KDM5B: variants seen among roughly 807,000 people sequenced by gnomAD.
KDM5B encodes the protein lysine demethylase 5B, also known as lysine-specific demethylase 5B.
Under a neutral mutation model 193.4 loss-of-function variants are expected in KDM5B, and 144 were observed. The observed-to-expected ratio is 0.74, with a 90% confidence interval of 0.65 to 0.86. The LOEUF (loss-of-function observed/expected upper bound fraction) is 0.86, where lower values mean the gene tolerates loss of function less well. Ranked by LOEUF, KDM5B falls within the 40% of genes least tolerant of loss-of-function variation. The pLI, the probability that KDM5B is intolerant of heterozygous loss-of-function variation, is 0.00. For missense variants in KDM5B, 1,833 were observed against 1,886.9 expected, an observed-to-expected ratio of 0.97 and a Z score of 0.53; for synonymous variants, 668 against 682.6, an observed-to-expected ratio of 0.98 and a Z score of 0.33.
chr1:202,764,659 AC>A (rs1369917735), intron 5 of KDM5B, among the ~76,000 whole-genome samples: 3 of 152,036 alleles, frequency 2.0e-5, no homozygotes, highest in African/African-American at 7.2e-5. Flanking sequence ...AAACAAAAAA[AC>A]AAATAGGGAA....
intron 11 of KDM5B, among the ~76,000 whole-genome samples, chr1:202,754,356 A>C (rs992036381): frequency 1.3e-4 from 20 of 152,188 alleles, no homozygotes; most frequent in African/African-American, 4.1e-4. Context: ...AAATATTTTT[A>C]TATTTAGAAG....
rs529707777 is a variant in KDM5B, at chr1:202,796,752, G to C, written c.204+11350C>G. ...GTGAAGAGCTGGCTGAATGGGCTCA[G>C]GCCAAAGGAACTCCATGGTCCCATG... is the stretch of plus-strand genomic sequence containing the variant. On this transcript the variant is annotated intron_variant, in intron 1 of 26. Coordinates refer to ENST00000367265, the MANE Select transcript of KDM5B (RefSeq NM_006618.5). 25 of 176,846 alleles carry C rather than the reference G, an allele frequency of 1.4e-4. 1 individual carries two copies. The South Asian group carries it at 3.3e-3, about 24-fold the overall frequency. 11.0% of individuals were successfully genotyped at this position (176,846 alleles called of 1,614,324 possible).
intron 1 of KDM5B, among the ~76,000 whole-genome samples, chr1:202,781,998 GAATA>G (rs891849189): frequency 1.8e-4 from 16 of 87,904 alleles, no homozygotes; most frequent in African/African-American, 4.3e-4. Flanking sequence ...TTCTATGTAT[GAATA>G]TATACACAAT....
At chr1:202,746,423 A>G in intron 14 of KDM5B, 100 bp from the exon 15 acceptor site, 2 of 719,198 alleles carry the variant, frequency 2.8e-6, no homozygotes, top group Non-Finnish European at 4.2e-6. Context: ...AAAAAAAAAA[A>G]GCTTTACCAA....
rs750018618 is a variant in KDM5B, at chr1:202,733,548, A to G, written c.3762T>C (p.Tyr1254=). ...GCCAGTTCACGGTTCTTTCAATCATATATCGAAGTGCATCTCCCTCAGGAA... is the reference window on the plus strand; with the variant it reads ...GCCAGTTCACGGTTCTTTCAATCATGTATCGAAGTGCATCTCCCTCAGGAA... ...VRLPEGDALR[Y]MIERTVNWQH... is the part of the protein sequence containing the mutation. Residue 1254 remains tyrosine (Y), a synonymous_variant, in exon 23 of 27, where the codon TAT becomes TAC. Coordinates refer to ENST00000367265, the MANE Select transcript of KDM5B (RefSeq NM_006618.5). 2.0e-5 allele frequency: 32 copies of G among 1,614,040 alleles called. No individual in the cohort carries two copies. The Admixed American group carries it at 2.0e-4, about 10-fold the overall frequency.
intron 23 of KDM5B, among the ~76,000 whole-genome samples, chr1:202,733,144 T>G (rs1335187029): frequency 6.6e-6 from 1 of 152,136 alleles, no homozygotes; most frequent in Non-Finnish European, 1.5e-5. Context: ...AATGAAAAAA[T>G]TATTTGTATC....
chr1:202,782,197 G>A (rs1657225941), intron 1 of KDM5B, among the ~76,000 whole-genome samples: 1 of 152,080 alleles, frequency 6.6e-6, no homozygotes, highest in Admixed American at 6.6e-5. Flanking sequence ...ATCTCTTCTG[G>A]TTATAAAGAA....
rs375916696 is a variant in KDM5B at position 202,756,526 on chromosome 1, C to A, written c.1198-10G>T. On this transcript the variant is annotated splice_polypyrimidine_tract_variant and intron_variant, in intron 9 of 26. Coordinates refer to ENST00000367265, the MANE Select transcript of KDM5B (RefSeq NM_006618.5). ...GCTCTGTGGGGACCATCTGGAAATA[C>A]AAGGAATAGAAAAAATGAGTTTCCT... is the stretch of plus-strand genomic sequence containing the variant. The A allele has an allele frequency of 1.2e-5, 18 of 1,562,666 alleles. No individual in the cohort carries two copies. In the Admixed American group the frequency reaches 1.8e-4, roughly 15 times the overall value.
At chr1:202,786,073 C>T (rs1364071528) in intron 1 of KDM5B, among the ~76,000 whole-genome samples, 2 of 151,410 alleles carry the variant, frequency 1.3e-5, no homozygotes, top group Admixed American at 6.6e-5. Flanking sequence ...AAACTTGGCT[C>T]GTTATAGCCT....
At chr1:202,732,620 GT>G (rs66482938) in intron 23 of KDM5B, among the ~76,000 whole-genome samples, 98 of 148,040 alleles carry the variant, frequency 6.6e-4, no homozygotes, top group African/African-American at 1.9e-3. Context: ...ATGACAGACT[GT>G]TTTTTTTTTT....
intron 1 of KDM5B, among the ~76,000 whole-genome samples, chr1:202,799,136 C>A (rs761657385): frequency 4.1e-4 from 63 of 152,206 alleles, no homozygotes; most frequent in Middle Eastern, 3.2e-3. Context: ...GCAAATAAAG[C>A]TTTGGGATTT....
intron 2 of KDM5B, among the ~76,000 whole-genome samples, chr1:202,775,872 A>AT (rs1453890235): frequency 2.4e-5 from 3 of 127,522 alleles, no homozygotes; most frequent in African/African-American, 8.6e-5. Context: ...AAAAAAAAAA[A>AT]AAAAAAAATA....
In KDM5B at chr1:202,741,782, C is replaced by A; in HGVS notation, c.2590-60G>T. ...AGTAATTTCAGTAATTGGCTTCTTT[C>A]AAACTTAGAATCTTAAATTCATATT... On this transcript the variant is annotated intron_variant, in intron 18 of 26. Transcript: ENST00000367265. 4 of 932,866 alleles carry A rather than the reference C, an allele frequency of 4.3e-6. 1 individual carries two copies. In the South Asian group the frequency reaches 6.3e-5, roughly 15 times the overall value. The allele number at this position is 932,866 out of a possible 1,614,324, so 57.8% of individuals were successfully genotyped here.
intron 23 of KDM5B, 78 bp downstream of exon 23, chr1:202,733,321 AAC>A (rs1298891688): frequency 6.6e-7 from 1 of 1,507,704 alleles, no homozygotes; most frequent in Non-Finnish European, 9.0e-7. Context: ...AGGGAATAGC[AAC>A]ACCAAAGCTA....
Position 202,755,342 on chromosome 1 carries a change from C to T in KDM5B, c.1467G>A (p.Val489=). The change falls in exon 11 of 27, where the codon GTG becomes GTA. Residue 489 remains valine, a synonymous_variant. Coordinates refer to ENST00000367265, the MANE Select transcript of KDM5B (RefSeq NM_006618.5). ...AACAGAATGAAGAAAAGCACATTCC[C>T]ACATACAACCAAGGAAGTTTCATGC... ...ICGMKLPWLY[V]GMCFSSFCWH... 2 of 1,614,072 alleles carry T rather than the reference C, an allele frequency of 1.2e-6. No individual in the cohort carries two copies. The highest frequency in any genetic ancestry group is 1.7e-6 in the Non-Finnish European group (2 of 1,179,938).
Position 202,774,799 on chromosome 1 carries a change from A to T in KDM5B, c.283-64T>A. ...TATTTTAAAGCTCCTATTACCTGCC[A>T]TTATTTTCTTTCACAGAATATTTAA... On this transcript the variant is annotated intron_variant, in intron 2 of 26. Transcript: ENST00000367265. 2.7e-6 allele frequency: 4 copies of T among 1,492,306 alleles called. No homozygotes were observed. In the South Asian group the frequency reaches 3.6e-5, roughly 14 times the overall value. 92.4% of individuals were successfully genotyped at this position (1,492,306 alleles called of 1,614,324 possible). A position where few individuals can be genotyped will look rare whatever the true frequency, so the allele number is the denominator to read the frequency against.
In KDM5B at chr1:202,733,841, G is replaced by A; in HGVS notation, c.3469C>T (p.Gln1157Ter). 6.2e-7 allele frequency: 1 copy of A among 1,613,726 alleles called. No homozygotes were observed. ...CCTTCATTGGCGAGTCTGAGAGACT[G>A]CAAGGCTTCCATTTCCCTTAGGCGA... ...EARLREMEALQSLRLANEGKL... is the reference protein window; with the variant it reads ...EARLREMEAL Residue 1157 changes from glutamine (Q) to a stop codon, truncating the protein, a stop_gained, in exon 23 of 27, where the codon CAG becomes TAG. Transcript: ENST00000367265. LOFTEE classifies it high-confidence loss of function.
At position 202,784,942 on chromosome 1, in the gene KDM5B, G is replaced by A. The variant is rs1657345566; in HGVS notation, c.205-7848C>T. Among the ~76,000 whole-genome samples the A allele has an allele frequency of 1.3e-5, 2 of 150,328 alleles. 1 individual carries two copies. Among genetic ancestry groups the A allele is most frequent in the South Asian group, 4.2e-4 (2 of 4,774 alleles). Reference sequence around the variant, plus strand: ...CTAGCTACTCAGGAGGTTGAGGCATGATAATTGCTTGAACCTGGGAGGCAA... The same window carrying A: ...CTAGCTACTCAGGAGGTTGAGGCATAATAATTGCTTGAACCTGGGAGGCAA... On this transcript the variant is annotated intron_variant, in intron 1 of 26. Transcript: ENST00000367265.
rs1042597167 is a variant in KDM5B, at chr1:202,724,742, G to T, written c.*4294C>A. ...TCATACACAGAAGGGGCTTGTGTGTGTGTTTGTGTGTGTGTGTGTGTTCAC... is the reference window on the plus strand; with the variant it reads ...TCATACACAGAAGGGGCTTGTGTGTTTGTTTGTGTGTGTGTGTGTGTTCAC... On this transcript the variant is annotated 3_prime_UTR_variant, in exon 27 of 27. Coordinates refer to ENST00000367265, the MANE Select transcript of KDM5B (RefSeq NM_006618.5). 26 of 85,490 alleles carry T rather than the reference G, an allele frequency of 3.0e-4. No individual in the cohort carries two copies. Among genetic ancestry groups the T allele is most frequent in the East Asian group, 1.4e-3 (3 of 2,214 alleles). The allele number at this position is 85,490 out of a possible 1,614,324, so 5.3% of individuals were successfully genotyped here.
Sources: allele counts gnomAD v4.1 joint callset (sites outside exome capture counted in the v4.1 genomes callset), GRCh38; gene constraint gnomAD v4.1.1; transcripts MANE v1.5; gene names NCBI Gene and HGNC (gene_info 2026-07-23, HGNC 2026-07-21).